The following EPN2 variants were observed in gnomAD, a reference collection of about 807,000 sequenced individuals.
The protein encoded by EPN2 is epsin 2, also known as epsin-2.
In EPN2, 34 loss-of-function variants were observed where a neutral mutation model predicts 61.7. That is an observed-to-expected ratio of 0.55 (90% CI 0.42 to 0.73). The LOEUF (loss-of-function observed/expected upper bound fraction) is 0.73, where lower values mean the gene tolerates loss of function less well. EPN2 is among the 30% of genes least tolerant of loss of function. EPN2 has a pLI of 0.00. For missense variants in EPN2, 714 were observed against 839.2 expected (o/e 0.85, Z 1.84); for synonymous variants, 349 against 353.6 (o/e 0.99, Z 0.15).
Position 19,335,445 on chromosome 17 carries a change from C to G in EPN2, c.*1191C>G. ...CAGGACTTCTGTTTACAATGGAAATCTGAAATGGAAGAAACATCTTTAACC... is the reference window on the plus strand; with the variant it reads ...CAGGACTTCTGTTTACAATGGAAATGTGAAATGGAAGAAACATCTTTAACC... On this transcript the variant is annotated 3_prime_UTR_variant, in exon 11 of 11. Transcript: ENST00000314728. 1.3e-6 allele frequency: 2 copies of G among 1,549,982 alleles called. No homozygotes were observed. The highest frequency in any genetic ancestry group is 1.7e-6 in the Non-Finnish European group (2 of 1,146,650).
At chr17:19,270,759 C>T (rs1172360676) in intron 1 of EPN2, among the ~76,000 whole-genome samples, 1 of 152,186 alleles carries the variant, frequency 6.6e-6, no homozygotes, top group Non-Finnish European at 1.5e-5. Context: ...CAGCCCTAGG[C>T]TGCTGCCCAG....
intron 7 of EPN2, among the ~76,000 whole-genome samples, chr17:19,324,567 A>G (rs982534224): frequency 6.6e-6 from 1 of 152,200 alleles, no homozygotes; most frequent in Non-Finnish European, 1.5e-5. Flanking sequence ...TCCCGACCTC[A>G]GGTGATCCAC....
At chr17:19,305,199 G>A (rs983195758) in intron 4 of EPN2, among the ~76,000 whole-genome samples, 2 of 149,570 alleles carry the variant, frequency 1.3e-5, no homozygotes, top group Admixed American at 6.8e-5. Flanking sequence ...TTGGCTCGCT[G>A]CAACCTCCAC....
At chr17:19,308,100 G>A (rs2152230144) in intron 4 of EPN2, 2 of 925,314 alleles carry the variant, frequency 2.2e-6, no homozygotes, top group South Asian at 1.0e-4. Context: ...TTGAGATGCA[G>A]TCTTGCTCTT....
chr17:19,315,037 GT>G (rs906741535), intron 7 of EPN2, among the ~76,000 whole-genome samples: 1 of 152,240 alleles, frequency 6.6e-6, no homozygotes, highest in Admixed American at 6.5e-5. Flanking sequence ...GTTTAATAGA[GT>G]TAAATTCTGG....
intron 7 of EPN2, among the ~76,000 whole-genome samples, chr17:19,317,366 T>C (rs1906432421): frequency 6.6e-6 from 1 of 152,222 alleles, no homozygotes; most frequent in Non-Finnish European, 1.5e-5. Context: ...TCAGAAGACC[T>C]TGGCTGGCTG....
intron 9 of EPN2, among the ~76,000 whole-genome samples, chr17:19,331,277 T>G (rs775408429): frequency 3.3e-5 from 5 of 152,228 alleles, no homozygotes; most frequent in Non-Finnish European, 7.3e-5. Context: ...CTTGTTCACA[T>G]TTTACATTAT....
At position 19,336,363 on chromosome 17, in the gene EPN2, C is replaced by T. The variant is rs1043394818; in HGVS notation, c.*2109C>T. 9 of 152,316 alleles carry T rather than the reference C, an allele frequency of 5.9e-5. No individual in the cohort carries two copies. The highest frequency in any genetic ancestry group is 8.8e-5 in the Non-Finnish European group (6 of 68,064). The allele number at this position is 152,316 out of a possible 1,614,324, so 9.4% of individuals were successfully genotyped here. A position where few individuals can be genotyped will look rare whatever the true frequency, so the allele number is the denominator to read the frequency against. The stretch of plus-strand genomic sequence containing the variant: ...GCCTTACAGGTCAGTAGACTAGACT[C>T]GACTACTTGGGGTCAGTGATTCTTT... On this transcript the variant is annotated 3_prime_UTR_variant, in exon 11 of 11. Coordinates refer to ENST00000314728, the MANE Select transcript of EPN2 (RefSeq NM_014964.5).
At chr17:19,264,754 G>T (rs914168236) in intron 1 of EPN2, among the ~76,000 whole-genome samples, 6 of 152,236 alleles carry the variant, frequency 3.9e-5, no homozygotes, top group Non-Finnish European at 8.8e-5. Flanking sequence ...GGTGGGGCTG[G>T]ACTCGGTGCC....
intron 1 of EPN2, chr17:19,271,628 CA>C (rs2045255066): frequency 6.6e-6 from 1 of 152,338 alleles, no homozygotes; most frequent in African/African-American, 2.4e-5. Flanking sequence ...CCAGTCCCTG[CA>C]AGTAACTCCC....
chr17:19,271,035 A>G (rs747523810), intron 1 of EPN2, among the ~76,000 whole-genome samples: 2 of 152,150 alleles, frequency 1.3e-5, no homozygotes, highest in Non-Finnish European at 2.9e-5. Flanking sequence ...TAGAGAGATA[A>G]TGGGTATCTT....
Position 19,285,854 on chromosome 17 carries a change from G to C in EPN2, c.766+64G>C. ...TGGGCAGCTTGCTGGGGGTGTGCTT[G>C]CCATGCCAGTACAGCCAACTCTCTC... On this transcript the variant is annotated intron_variant, in intron 4 of 10. Coordinates refer to ENST00000314728, the MANE Select transcript of EPN2 (RefSeq NM_014964.5). The surrounding 1 kb of genome is among the most constrained non-coding windows in gnomAD (Gnocchi z 4.5). 6.8e-7 allele frequency: 1 copy of C among 1,466,510 alleles called. No individual in the cohort carries two copies. Among genetic ancestry groups the C allele is most frequent in the Admixed American group, 2.3e-5 (1 of 43,976 alleles). The allele number at this position is 1,466,510 out of a possible 1,614,324, so 90.8% of individuals were successfully genotyped here. A position where few individuals can be genotyped will look rare whatever the true frequency, so the allele number is the denominator to read the frequency against.
intron 10 of EPN2, among the ~76,000 whole-genome samples, chr17:19,333,210 G>A (rs1255475817): frequency 6.6e-6 from 1 of 152,146 alleles, no homozygotes; most frequent in African/African-American, 2.4e-5. Context: ...CCCTGCAGGA[G>A]CTCCAGTGGT....
At chr17:19,330,302 C>CT (rs1024968534) in intron 9 of EPN2, among the ~76,000 whole-genome samples, 6 of 152,194 alleles carry the variant, frequency 3.9e-5, no homozygotes, top group African/African-American at 1.2e-4. Flanking sequence ...CAACTTCTCT[C>CT]TTTTTTTCTT....
chr17:19,296,600 A>G (rs1009611378), intron 4 of EPN2: 19 of 151,970 alleles, frequency 1.3e-4, no homozygotes, highest in African/African-American at 3.9e-4. Flanking sequence ...ATGTTGGTGT[A>G]TTTATTTTTA....
chr17:19,277,947 C>G (rs2045324228), intron 1 of EPN2, among the ~76,000 whole-genome samples: 1 of 151,850 alleles, frequency 6.6e-6, no homozygotes, highest in Admixed American at 6.6e-5. Flanking sequence ...GTGGTGGGTG[C>G]CTGTAGTCCC....
rs149416389 is a variant in EPN2 at position 19,331,341 on chromosome 17, G to GT, written c.1412-510dup. On this transcript the variant is annotated intron_variant, in intron 9 of 10. Coordinates refer to ENST00000314728, the MANE Select transcript of EPN2 (RefSeq NM_014964.5). ...GTTACTAAGTGAGAGAATGACTGTT[G>GT]TTAAGAATTCCTGTACCGTGAAGCA... is the stretch of plus-strand genomic sequence containing the variant. Among the ~76,000 whole-genome samples, 142 of 152,264 alleles carry GT rather than the reference G, an allele frequency of 9.3e-4. 1 individual carries two copies. The highest frequency in any genetic ancestry group is 3.2e-3 in the African/African-American group (131 of 41,542).
In EPN2 at chr17:19,283,372, A is replaced by G; in HGVS notation, c.253A>G (p.Ile85Val). 6.2e-7 allele frequency: 1 copy of G among 1,614,194 alleles called. No individual in the cohort carries two copies. The highest frequency in any genetic ancestry group is 1.3e-5 in the African/African-American group (1 of 75,072). Residue 85 changes from isoleucine to valine, a missense_variant, in exon 3 of 11, where the codon ATC (isoleucine) becomes GTC (valine). By Grantham distance (29) the Ile-to-Val change is conservative (BLOSUM62 3). Transcript: ENST00000314728. The surrounding 1 kb of genome is among the most constrained non-coding windows in gnomAD (Gnocchi z 7.0). ...YKALTLLDYLIKTGSERVAQQ... is the reference protein window; with the variant it reads ...YKALTLLDYLVKTGSERVAQQ... ...GGCGCTGACCCTGCTGGACTACCTC[A>G]TCAAGACAGGCTCCGAACGTGTGGC... is the stretch of plus-strand genomic sequence containing the variant.
rs574480771 is a variant in EPN2, at chr17:19,279,444, G to T, written c.-293-2511G>T. Among the ~76,000 whole-genome samples the T allele has an allele frequency of 3.3e-4, 48 of 143,502 alleles. 2 individuals are homozygous for T. In the South Asian group the frequency reaches 0.01, roughly 31 times the overall value. 94.1% of individuals were successfully genotyped at this position (143,502 alleles called of 152,430 possible). ...CACTTAGGAAAGTGTTCCTTTTTTT[G>T]TTTTTTTTTTTTGAGACAGAGTCTC... On this transcript the variant is annotated intron_variant, in intron 1 of 10. Transcript: ENST00000314728.
Sources: allele counts gnomAD v4.1 joint callset (sites outside exome capture counted in the v4.1 genomes callset), GRCh38; gene constraint gnomAD v4.1.1; non-coding constraint Gnocchi (gnomAD v3.1); transcripts MANE v1.5; gene names NCBI Gene and HGNC (gene_info 2026-07-23, HGNC 2026-07-21).